PHACTR3: variants seen among roughly 807,000 people sequenced by gnomAD.
PHACTR3 encodes the protein phosphatase and actin regulator 3, also known as protein phosphatase 1, regulatory subunit 123.
In PHACTR3, 16 loss-of-function variants were observed where a neutral mutation model predicts 66.8. That is an observed-to-expected ratio of 0.24 (90% confidence interval 0.16 to 0.36). PHACTR3 has a LOEUF of 0.36. Ranked by LOEUF, PHACTR3 falls within the 10% of genes least tolerant of loss-of-function variation. The pLI, the probability that PHACTR3 is intolerant of heterozygous loss-of-function variation, is 1.00. For missense variants in PHACTR3, 647 were observed against 719.9 expected (o/e 0.90, Z 1.16); for synonymous variants, 323 against 292.1 (o/e 1.11, Z -1.08).
intron 6 of PHACTR3, 53 bp downstream of exon 6, chr20:59,773,506 C>T: frequency 3.3e-6 from 5 of 1,516,742 alleles, no homozygotes; most frequent in Non-Finnish European, 4.4e-6. Flanking sequence ...CCTGCCTGGC[C>T]AGCCTCAGGC....
chr20:59,793,679 G>T (rs373771874), intron 7 of PHACTR3, among the ~76,000 whole-genome samples: 140 of 151,706 alleles, frequency 9.2e-4, no homozygotes, highest in African/African-American at 3.2e-3. Context: ...TTTTGGTGAG[G>T]TCTTTAGGGT....
At chr20:59,585,467 C>A (rs1248054028) in intron 1 of PHACTR3, among the ~76,000 whole-genome samples, 1 of 152,218 alleles carries the variant, frequency 6.6e-6, no homozygotes, top group Admixed American at 6.5e-5. Context: ...AGTACAGCTA[C>A]AGCCGAGTCC....
chr20:59,822,370 G>A (rs1208778099), intron 8 of PHACTR3, among the ~76,000 whole-genome samples: 2 of 148,032 alleles, frequency 1.4e-5, no homozygotes, highest in African/African-American at 5.1e-5. Context: ...AGGATGGGGG[G>A]AAGAACAAAG....
intron 1 of PHACTR3, among the ~76,000 whole-genome samples, chr20:59,650,640 C>G (rs1429583816): frequency 6.7e-6 from 1 of 149,906 alleles, no homozygotes; most frequent in Non-Finnish European, 1.5e-5. Flanking sequence ...GCTGGGGACA[C>G]TATGACTCAG....
At chr20:59,604,349 G>A (rs564731937), upstream of PHACTR3, among the ~76,000 whole-genome samples, 3 of 152,098 alleles carry the variant, frequency 2.0e-5, no homozygotes, top group South Asian at 6.2e-4. Flanking sequence ...GCACGGCTTG[G>A]TGGGGTGGGC....
Position 59,728,107 on chromosome 20 carries a change from G to A in PHACTR3, c.119-15000G>A, listed in dbSNP as rs771072515. 2.8e-4 allele frequency among the ~76,000 whole-genome samples: 42 copies of A among 152,196 alleles called. 1 individual carries two copies. The highest frequency in any genetic ancestry group is 4.7e-4 in the Non-Finnish European group (32 of 68,036). On this transcript the variant is annotated intron_variant, in intron 1 of 12. Coordinates refer to ENST00000371015, the MANE Select transcript of PHACTR3 (RefSeq NM_080672.5). ...TAGTACATTCATGATATTGGCATCT[G>A]CCACATGTGTCTAGTTCCCGAACAT...
chr20:59,722,685 G>A (rs922759485), intron 1 of PHACTR3, among the ~76,000 whole-genome samples: 1 of 152,166 alleles, frequency 6.6e-6, no homozygotes, highest in Admixed American at 6.5e-5. Context: ...CAGGGGATGA[G>A]GGGGACACTC....
chr20:59,842,744 T>G (rs967620001), intron 11 of PHACTR3, among the ~76,000 whole-genome samples: 1 of 152,192 alleles, frequency 6.6e-6, no homozygotes, highest in African/African-American at 2.4e-5. Context: ...TATCTTGGTG[T>G]TCCTGTTTCA....
chr20:59,806,244 G>A, intron 8 of PHACTR3, 50 bp downstream of exon 8: 1 of 1,588,256 alleles, frequency 6.3e-7, no homozygotes, highest in Middle Eastern at 1.7e-4. Flanking sequence ...GGCCTTGCAG[G>A]CGGAGCCCCT....
At chr20:59,600,393 G>T (rs748624879), upstream of PHACTR3, among the ~76,000 whole-genome samples, 1 of 152,230 alleles carries the variant, frequency 6.6e-6, no homozygotes, top group Non-Finnish European at 1.5e-5. Context: ...CAAAGTGACT[G>T]TTTGGGCACA....
chr20:59,623,121 A>T, intron 1 of PHACTR3, among the ~76,000 whole-genome samples: 1 of 151,658 alleles, frequency 6.6e-6, no homozygotes, highest in African/African-American at 2.4e-5. Flanking sequence ...TTTTTGTGGG[A>T]GGCAGGAGCA....
chr20:59,788,530 G>A (rs572952104), intron 7 of PHACTR3, among the ~76,000 whole-genome samples: 121 of 152,034 alleles, frequency 8.0e-4, no homozygotes, highest in African/African-American at 2.6e-3. Flanking sequence ...TCCCTGACCC[G>A]CCCCTAAAGG....
chr20:59,834,826 C>T (rs1215242984), intron 8 of PHACTR3, among the ~76,000 whole-genome samples: 1 of 152,228 alleles, frequency 6.6e-6, no homozygotes, highest in Non-Finnish European at 1.5e-5. Context: ...GCCTTTACCT[C>T]TAGACCAGGG....
At chr20:59,695,093 G>A (rs961147236) in intron 1 of PHACTR3, among the ~76,000 whole-genome samples, 11 of 152,114 alleles carry the variant, frequency 7.2e-5, no homozygotes, top group African/African-American at 2.2e-4. Flanking sequence ...ACCACCCAGA[G>A]AGCAATCTGG....
At chr20:59,691,012 G>C (rs947340006) in intron 1 of PHACTR3, among the ~76,000 whole-genome samples, 17 of 152,124 alleles carry the variant, frequency 1.1e-4, no homozygotes, top group African/African-American at 3.9e-4. Flanking sequence ...TGATCTGGAT[G>C]ATTCTAGAAG....
At chr20:59,687,714 G>C (rs1020218524) in intron 1 of PHACTR3, among the ~76,000 whole-genome samples, 7 of 152,120 alleles carry the variant, frequency 4.6e-5, no homozygotes, top group African/African-American at 9.7e-5. Flanking sequence ...ACCCCTAAGA[G>C]AAGGTTTGTG....
intron 1 of PHACTR3, among the ~76,000 whole-genome samples, chr20:59,658,832 CAA>C (rs1601025409): frequency 1.3e-5 from 2 of 152,114 alleles, no homozygotes; most frequent in East Asian, 3.9e-4. Flanking sequence ...GAGGTTTGAC[CAA>C]GAGGGCTCTT....
In PHACTR3 at chr20:59,604,629, A is replaced by T; in HGVS notation, c.-386A>T. The T allele has an allele frequency of 1.0e-6, 1 of 979,916 alleles. No homozygotes were observed. The highest frequency in any genetic ancestry group is 1.2e-6 in the Non-Finnish European group (1 of 824,380). 60.7% of individuals were successfully genotyped at this position (979,916 alleles called of 1,614,324 possible). On this transcript the variant is annotated 5_prime_UTR_variant, in exon 1 of 13. Transcript: ENST00000371015. ...TGGGGTGGGGGGAGGGAGCGCCCCC[A>T]GACATTCCAGGACATCACCCCCTGC...
At chr20:59,759,476 C>T (rs1193570720) in intron 4 of PHACTR3, among the ~76,000 whole-genome samples, 2 of 152,196 alleles carry the variant, frequency 1.3e-5, no homozygotes, top group East Asian at 1.9e-4. Flanking sequence ...TGGAGCTGAA[C>T]AGAGTCTGTC....
Sources: allele counts gnomAD v4.1 joint callset (sites outside exome capture counted in the v4.1 genomes callset), GRCh38; gene constraint gnomAD v4.1.1; transcripts MANE v1.5; gene names NCBI Gene and HGNC (gene_info 2026-07-23, HGNC 2026-07-21).